The following TNK1 variants were observed in gnomAD, a reference collection of about 807,000 sequenced individuals.
The protein encoded by TNK1 is tyrosine kinase non receptor 1.
TNK1 carries 53 observed loss-of-function variants against 65.2 expected under a neutral mutation model. The observed-to-expected ratio is 0.81, with a 90% CI of 0.65 to 1.02. The LOEUF (loss-of-function observed/expected upper bound fraction) is 1.02, where lower values mean the gene tolerates loss of function less well. TNK1 is among the 50% of genes least tolerant of loss of function. The pLI is 0.00. For missense variants in TNK1, 837 were observed against 878.4 expected (o/e 0.95, Z 0.60); for synonymous variants, 353 against 364.6 (o/e 0.97, Z 0.36).
At chr17:7,380,520 T>C (rs992901137), upstream of TNK1, 9 of 152,008 alleles carry the variant, frequency 5.9e-5, no homozygotes, top group African/African-American at 2.2e-4. Context: ...CATGGAATGC[T>C]GCCGGTGATC....
Position 7,383,736 on chromosome 17 carries a change from G to A in TNK1, c.454G>A (p.Val152Ile). The A allele has an allele frequency of 6.2e-7, 1 of 1,612,424 alleles. No individual in the cohort carries two copies. Among genetic ancestry groups the A allele is most frequent in the Non-Finnish European group, 8.5e-7 (1 of 1,179,256 alleles). The change falls in exon 5 of 13, where the codon GTA (valine) becomes ATA (isoleucine). Residue 152 changes from valine (V) to isoleucine (I), a missense_variant. Physicochemically the swap from Val to Ile is conservative, Grantham distance 29. Coordinates refer to ENST00000688331, the MANE Select transcript of TNK1 (RefSeq NM_003985.6). ...SVPVAVKSLRVGPEGPMGTEL... is the reference protein window; with the variant it reads ...SVPVAVKSLRIGPEGPMGTEL... ...CCCAGTGGCTGTCAAGTCCCTCCGGGTAGGTCCCGAAGGCCCGATGGGCAC... is the reference window on the plus strand; with the variant it reads ...CCCAGTGGCTGTCAAGTCCCTCCGGATAGGTCCCGAAGGCCCGATGGGCAC...
rs1905244550 is a variant in TNK1 at position 7,387,440 on chromosome 17, C to T, written c.1460C>T (p.Pro487Leu). 5 of 1,595,350 alleles carry T rather than the reference C, an allele frequency of 3.1e-6. No homozygotes were observed. The highest frequency in any genetic ancestry group is 3.5e-5 in the Admixed American group (2 of 56,882). The stretch of plus-strand genomic sequence containing the variant: ...GCACGGGGCCAGAGGAGGAACATGC[C>T]CCTGGAGAGGATGAAAGGTGGGTGT... ...PPARGQRRNM[P>L]LERMKGISRS... Residue 487 changes from proline (P) to leucine (L), a missense_variant, in exon 10 of 13, where the codon CCC (proline) becomes CTC (leucine). By Grantham distance (98) the Pro-to-Leu change is moderately conservative. Transcript: ENST00000688331.
In TNK1 at chr17:7,388,499, T is replaced by A. The variant is rs373447677; in HGVS notation, c.1571T>A (p.Val524Glu). 6.2e-7 allele frequency: 1 copy of A among 1,613,954 alleles called. No individual in the cohort carries two copies. The highest frequency in any genetic ancestry group is 8.5e-7 in the Non-Finnish European group (1 of 1,179,880). ...SPPEIRQARAVPQGPPGLPPR... is the reference protein window; with the variant it reads ...SPPEIRQARAEPQGPPGLPPR... ...CCTGAAATTCGACAAGCCAGAGCTG[T>A]GCCCCAGGGACCTCCAGGCCTGCCT... The change falls in exon 11 of 13, where the codon GTG becomes GAG. Residue 524 changes from valine to glutamate, a missense_variant. Val to Glu is a moderately radical substitution (Grantham distance 121, BLOSUM62 -2). Transcript: ENST00000688331. The surrounding 1 kb of genome is among the most constrained non-coding windows in gnomAD (Gnocchi z 4.5).
intron 8 of TNK1, 128 bp downstream of exon 8, chr17:7,386,783 G>A (rs1354632179): frequency 2.3e-5 from 25 of 1,092,762 alleles, no homozygotes; most frequent in Admixed American, 1.5e-4. Context: ...TCTCCCCACT[G>A]GGTCCTGAAA....
rs1254437188 is a variant in TNK1, at chr17:7,382,523, T to C, written c.-91-313T>C. 2.6e-5 allele frequency among the ~76,000 whole-genome samples: 4 copies of C among 152,028 alleles called. No homozygotes were observed. The highest frequency in any genetic ancestry group is 5.9e-5 in the Non-Finnish European group (4 of 68,008). On this transcript the variant is annotated intron_variant, in intron 1 of 12. Coordinates refer to ENST00000688331, the MANE Select transcript of TNK1 (RefSeq NM_003985.6). This position sits in a 1 kb window ranked among gnomAD's most constrained non-coding sequence, Gnocchi z 4.1. ...AGGAAGGGAGATGTCGTCTCAGGTG[T>C]GTATGAGTGAGTTTGTGCCACTGCG...
In TNK1 at chr17:7,387,130, A is replaced by T; in HGVS notation, c.1373A>T (p.Asp458Val). 6.3e-7 allele frequency: 1 copy of T among 1,597,828 alleles called. No homozygotes were observed. The highest frequency in any genetic ancestry group is 8.5e-7 in the Non-Finnish European group (1 of 1,170,598). Residue 458 changes from aspartate (D) to valine (V), a missense_variant, in exon 9 of 13, where the codon GAT (aspartate) becomes GTT (valine). By Grantham distance (152) the Asp-to-Val change is radical. Transcript: ENST00000688331. Reference protein sequence around the residue: ...PVHRGTPARGDQHPGSIDGDR... With the variant: ...PVHRGTPARGVQHPGSIDGDR... Reference sequence around the variant, plus strand: ...CACAGAGGCACCCCTGCCCGGGGAGATCAACACCCAGGAAGCATAGATGGG... The same window carrying T: ...CACAGAGGCACCCCTGCCCGGGGAGTTCAACACCCAGGAAGCATAGATGGG...
intron 7 of TNK1, among the ~76,000 whole-genome samples, chr17:7,385,382 GAA>G (rs1905126443): frequency 1.4e-5 from 2 of 147,636 alleles, no homozygotes; most frequent in African/African-American, 2.5e-5. Context: ...AAAAAAAGAA[GAA>G]GAAGAAGAAG....
Position 7,383,613 on chromosome 17 carries a change from G to A in TNK1, c.423G>A (p.Lys141=), listed in dbSNP as rs1291465624. The change falls in exon 4 of 13, where the codon AAG becomes AAA. Residue 141 remains lysine, a synonymous_variant. Coordinates refer to ENST00000688331, the MANE Select transcript of TNK1 (RefSeq NM_003985.6). Reference sequence around the variant, plus strand: ...GGCTGTGGACGCTGCCCAGTGGCAAGAGTGTGAGTGTCCAGGGAGCCCGCT... The same window carrying A: ...GGCTGTGGACGCTGCCCAGTGGCAAAAGTGTGAGTGTCCAGGGAGCCCGCT... ...HRGLWTLPSG[K]SVPVAVKSLR... 8.8e-6 allele frequency: 14 copies of A among 1,598,044 alleles called. No homozygotes were observed. Among genetic ancestry groups the A allele is most frequent in the South Asian group, 2.2e-5 (2 of 88,976 alleles).
chr17:7,387,223 A>C, intron 9 of TNK1, 69 bp downstream of exon 9: 1 of 1,514,960 alleles, frequency 6.6e-7, no homozygotes, highest in Non-Finnish European at 8.9e-7. Flanking sequence ...GCTTCTCTGG[A>C]AGAGAAGCCT....
rs958139606 is a variant in TNK1 at position 7,382,802 on chromosome 17, G to T, written c.-91-34G>T. On this transcript the variant is annotated intron_variant, in intron 1 of 12. Transcript: ENST00000688331. The surrounding 1 kb of genome is among the most constrained non-coding windows in gnomAD (Gnocchi z 4.1). The stretch of plus-strand genomic sequence containing the variant: ...TCCTGGCTGTCTCTGCTGTGTCCCT[G>T]CCTCTGTACCTGAGTGTTTCTAATG... The T allele has an allele frequency of 5.8e-6, 6 of 1,027,692 alleles. No homozygotes were observed. The Admixed American group carries it at 7.9e-5, about 13-fold the overall frequency. 63.7% of individuals were successfully genotyped at this position (1,027,692 alleles called of 1,614,324 possible).
chr17:7,387,572 C>G (rs375689433), intron 10 of TNK1, 115 bp downstream of exon 10: 1 of 845,740 alleles, frequency 1.2e-6, no homozygotes, highest in South Asian at 1.8e-5. Context: ...TGAATTCTGT[C>G]TGCTGGCATC....
At chr17:7,387,548 T>G (rs1332614032) in intron 10 of TNK1, 91 bp downstream of exon 10, 1 of 1,089,448 alleles carries the variant, frequency 9.2e-7, no homozygotes, top group East Asian at 2.6e-5. Flanking sequence ...TTTGCATCTA[T>G]TATTTCCTTC....
chr17:7,385,078 C>T (rs1231602292), intron 7 of TNK1, among the ~76,000 whole-genome samples: 1 of 152,106 alleles, frequency 6.6e-6, no homozygotes, highest in Non-Finnish European at 1.5e-5. Flanking sequence ...AATAATGAAG[C>T]CGCAGGCCGG....
chr17:7,387,551 T>C, intron 10 of TNK1, 94 bp downstream of exon 10: 1 of 1,077,020 alleles, frequency 9.3e-7, no homozygotes, highest in Non-Finnish European at 1.3e-6. Flanking sequence ...GCATCTATTA[T>C]TTCCTTCCTC....
chr17:7,387,550 A>C, intron 10 of TNK1, 93 bp downstream of exon 10: 1 of 1,044,856 alleles, frequency 9.6e-7, no homozygotes, highest in Non-Finnish European at 1.4e-6. Context: ...TGCATCTATT[A>C]TTTCCTTCCT....
At chr17:7,385,595 T>C (rs1203490708) in intron 7 of TNK1, among the ~76,000 whole-genome samples, 2 of 147,060 alleles carry the variant, frequency 1.4e-5, no homozygotes, top group African/African-American at 2.5e-5. Flanking sequence ...GAGACAGTCT[T>C]GCTCTGTCAC....
At position 7,383,005 on chromosome 17, in the gene TNK1, C is replaced by G. The variant is rs1904911972; in HGVS notation, c.79C>G (p.Leu27Val). The change falls in exon 2 of 13, where the codon CTT becomes GTT. Residue 27 changes from leucine (L) to valine (V), a missense_variant. Transcript: ENST00000688331. Reference protein sequence around the residue: ...IQLAQFYWPILEELNVTRPEH... With the variant: ...IQLAQFYWPIVEELNVTRPEH... ...GTTGGCCCAGTTTTACTGGCCCATC[C>G]TTGAGGAGCTTAATGTCACTCGGCC... 1 of 1,613,918 alleles carries G rather than the reference C, an allele frequency of 6.2e-7. No homozygotes were observed.
At position 7,387,225 on chromosome 17, in the gene TNK1, G is replaced by A. The variant is rs2143146396; in HGVS notation, c.1397+71G>A. On this transcript the variant is annotated intron_variant, in intron 9 of 12. Coordinates refer to ENST00000688331, the MANE Select transcript of TNK1 (RefSeq NM_003985.6). Reference sequence around the variant, plus strand: ...ATGAGGTCCAGGAGCTTCTCTGGAAGAGAAGCCTGGGGACAGGACCAGAGT... The same window carrying A: ...ATGAGGTCCAGGAGCTTCTCTGGAAAAGAAGCCTGGGGACAGGACCAGAGT... 4 of 1,516,486 alleles carry A rather than the reference G, an allele frequency of 2.6e-6. No individual in the cohort carries two copies. The East Asian group carries it at 6.9e-5, about 26-fold the overall frequency. The allele number at this position is 1,516,486 out of a possible 1,614,324, so 93.9% of individuals were successfully genotyped here. A position where few individuals can be genotyped will look rare whatever the true frequency, so the allele number is the denominator to read the frequency against.
Position 7,382,585 on chromosome 17 carries a change from C to T in TNK1, c.-91-251C>T, listed in dbSNP as rs551435757. Among the ~76,000 whole-genome samples, 9 of 152,086 alleles carry T rather than the reference C, an allele frequency of 5.9e-5. No individual in the cohort carries two copies. In the East Asian group the frequency reaches 1.2e-3, roughly 20 times the overall value. On this transcript the variant is annotated intron_variant, in intron 1 of 12. Transcript: ENST00000688331. The surrounding 1 kb of genome is among the most constrained non-coding windows in gnomAD (Gnocchi z 4.1). ...TAAAAGGGCAGTGTTTCTGGGTGTC[C>T]GGGTGTGTGATGTGCCGTGATATTT... is the stretch of plus-strand genomic sequence containing the variant.
Sources: allele counts gnomAD v4.1 joint callset (sites outside exome capture counted in the v4.1 genomes callset), GRCh38; gene constraint gnomAD v4.1.1; non-coding constraint Gnocchi (gnomAD v3.1); transcripts MANE v1.5; gene names NCBI Gene and HGNC (gene_info 2026-07-23, HGNC 2026-07-21).